STAC: variants seen among roughly 807,000 people sequenced by gnomAD.
The protein encoded by STAC is SH3 and cysteine-rich domain-containing protein.
A neutral mutation model predicts 48.8 loss-of-function variants in STAC; 43 were observed. The ratio of observed to expected loss-of-function variants is 0.88; its 90% confidence interval spans 0.69 to 1.14. The LOEUF is 1.14. STAC is among the 50% of genes most tolerant of loss of function. STAC has a pLI of 0.00. For synonymous variants in STAC, 193 were observed against 179.5 expected, an observed-to-expected ratio of 1.07 and a Z score of -0.60; for missense variants, 497 against 504.0, an observed-to-expected ratio of 0.99 and a Z score of 0.13.
chr3:36,484,667 A>G (rs1205132213), intron 3 of STAC, among the ~76,000 whole-genome samples: 1 of 152,226 alleles, frequency 6.6e-6, no homozygotes, highest in Non-Finnish European at 1.5e-5. Flanking sequence ...CTTGTAATCC[A>G]GGAGGCAATG....
At chr3:36,503,749 G>A (rs1428982210) in intron 6 of STAC, among the ~76,000 whole-genome samples, 4 of 151,970 alleles carry the variant, frequency 2.6e-5, no homozygotes, top group Non-Finnish European at 4.4e-5. Context: ...CCCATTTTGT[G>A]AAGACTTGTC....
chr3:36,433,518 T>A (rs1700756076), intron 1 of STAC, among the ~76,000 whole-genome samples: 1 of 152,220 alleles, frequency 6.6e-6, no homozygotes, highest in African/African-American at 2.4e-5. Flanking sequence ...AGCTCCTGTT[T>A]CTGACATATT....
At chr3:36,399,608 A>G (rs1192693575) in intron 1 of STAC, among the ~76,000 whole-genome samples, 18 of 152,164 alleles carry the variant, frequency 1.2e-4, no homozygotes. Flanking sequence ...GTGATGGAGG[A>G]CAGGTGGCCC....
intron 2 of STAC, among the ~76,000 whole-genome samples, chr3:36,458,439 G>C (rs1034890271): frequency 5.3e-5 from 8 of 152,158 alleles, no homozygotes; most frequent in African/African-American, 1.9e-4. Flanking sequence ...AGTAATCTAG[G>C]TCTCCCGTTG....
chr3:36,412,572 A>G (rs1700221214), intron 1 of STAC, among the ~76,000 whole-genome samples: 1 of 152,186 alleles, frequency 6.6e-6, no homozygotes, highest in Non-Finnish European at 1.5e-5. Flanking sequence ...AGTGCCAAAG[A>G]TATTCTTCTA....
chr3:36,468,778 G>C (rs1697247529), intron 2 of STAC, among the ~76,000 whole-genome samples: 1 of 147,184 alleles, frequency 6.8e-6, no homozygotes, highest in African/African-American at 2.5e-5. Context: ...GTGTGTTTGT[G>C]TGTGTTTATA....
At chr3:36,543,670 A>G (rs1699380147) in intron 10 of STAC, among the ~76,000 whole-genome samples, 1 of 152,202 alleles carries the variant, frequency 6.6e-6, no homozygotes, top group Non-Finnish European at 1.5e-5. Flanking sequence ...TTTTTGCTCC[A>G]AGAACTGAAA....
intron 2 of STAC, among the ~76,000 whole-genome samples, chr3:36,459,735 C>G (rs985380500): frequency 5.3e-5 from 8 of 152,124 alleles, no homozygotes; most frequent in African/African-American, 1.9e-4. Context: ...GAACTGGTAT[C>G]TTGGCAAAAC....
chr3:36,472,297 C>T (rs115465423), intron 2 of STAC, among the ~76,000 whole-genome samples: 130 of 152,302 alleles, frequency 8.5e-4, no homozygotes, highest in Non-Finnish European at 1.7e-3. Context: ...GCCCGGCCCA[C>T]GAAACCACTT....
intron 5 of STAC, among the ~76,000 whole-genome samples, chr3:36,489,928 G>GT (rs1259822820): frequency 6.6e-6 from 1 of 152,182 alleles, no homozygotes; most frequent in African/African-American, 2.4e-5. Context: ...CTGGAAACTT[G>GT]TTAGAAATGC....
intron 1 of STAC, among the ~76,000 whole-genome samples, chr3:36,411,199 T>C (rs75049423): frequency 5.9e-5 from 9 of 152,324 alleles, no homozygotes; most frequent in African/African-American, 2.2e-4. Context: ...ATACCACTTC[T>C]TACCATGTCC....
chr3:36,451,136 G>A (rs1473808357), intron 2 of STAC, among the ~76,000 whole-genome samples: 1 of 152,060 alleles, frequency 6.6e-6, no homozygotes, highest in Non-Finnish European at 1.5e-5. Flanking sequence ...CATTTTGTGT[G>A]TGTGTACTGT....
intron 1 of STAC, among the ~76,000 whole-genome samples, chr3:36,395,392 G>A (rs1171352091): frequency 1.3e-5 from 2 of 152,162 alleles, no homozygotes; most frequent in African/African-American, 4.8e-5. Flanking sequence ...GAGCAAATGA[G>A]AAGAAAGAGA....
intron 10 of STAC, 64 bp from the exon 11 acceptor site, chr3:36,546,127 C>T: frequency 7.3e-7 from 1 of 1,363,560 alleles, no homozygotes; most frequent in East Asian, 2.3e-5. Flanking sequence ...ATTCAAGCTG[C>T]AGGTTCTAAC....
intron 2 of STAC, among the ~76,000 whole-genome samples, chr3:36,474,860 T>A (rs1160493615): frequency 6.6e-6 from 1 of 152,230 alleles, no homozygotes; most frequent in Non-Finnish European, 1.5e-5. Context: ...AATTGCCTAA[T>A]GGTGCATAAG....
chr3:36,456,600 A>G (rs74397909), intron 2 of STAC, among the ~76,000 whole-genome samples: 2,486 of 152,242 alleles, frequency 0.016, 67 homozygotes, highest in African/African-American at 0.057. Flanking sequence ...ATCAACTGCC[A>G]GAAGTTTGCT....
Position 36,423,747 on chromosome 3 carries a change from A to G in STAC, c.112-19617A>G, listed in dbSNP as rs74687134. ...TATTATAGGATGTAAATATATAAGT[A>G]TGAGCAAATTCTTCCCTTGCTTAAC... On this transcript the variant is annotated intron_variant, in intron 1 of 10. Transcript: ENST00000273183. Among the ~76,000 whole-genome samples the G allele has an allele frequency of 3.8e-3, 580 of 152,264 alleles. 3 individuals carry two copies. The highest frequency in any genetic ancestry group is 0.013 in the African/African-American group (546 of 41,568).
chr3:36,391,720 G>A (rs1699755452), intron 1 of STAC, among the ~76,000 whole-genome samples: 1 of 152,216 alleles, frequency 6.6e-6, no homozygotes, highest in East Asian at 1.9e-4. Context: ...GGAAGAAGCT[G>A]TTTGGCAGCA....
chr3:36,543,481 G>A (rs538365304), intron 10 of STAC, among the ~76,000 whole-genome samples: 1 of 152,270 alleles, frequency 6.6e-6, no homozygotes, highest in East Asian at 1.9e-4. Flanking sequence ...ATAAGCCAGT[G>A]CATTCAACAA....
Sources: allele counts gnomAD v4.1 joint callset (sites outside exome capture counted in the v4.1 genomes callset), GRCh38; gene constraint gnomAD v4.1.1; transcripts MANE v1.5; gene names NCBI Gene and HGNC (gene_info 2026-07-23, HGNC 2026-07-21).